ORM1: variants seen among roughly 807,000 people sequenced by gnomAD.
The protein encoded by ORM1 is orosomucoid 1, also known as alpha-1-acid glycoprotein 1.
ORM1 carries 13 observed loss-of-function variants against 26.9 expected under a neutral mutation model. The ratio of observed to expected loss-of-function variants is 0.48; its 90% CI spans 0.31 to 0.77. The LOEUF is 0.77. ORM1 is among the 30% of genes least tolerant of loss of function. The pLI is 0.04. For synonymous variants in ORM1, 76 were observed against 102.2 expected (o/e 0.74, Z 1.55); for missense variants, 189 against 246.8 (o/e 0.77, Z 1.57).
rs111906642 is a variant in ORM1, at chr9:114,324,860, C to A, written c.399C>A (p.Asp133Glu). The A allele has an allele frequency of 6.2e-7, 1 of 1,614,162 alleles. No homozygotes were observed. The highest frequency in any genetic ancestry group is 1.7e-5 in the Admixed American group (1 of 60,020). Residue 133 changes from aspartate to glutamate, a missense_variant, in exon 4 of 6, where the codon GAC becomes GAA. Coordinates refer to ENST00000259396, the MANE Select transcript of ORM1 (RefSeq NM_000607.4). ...CCAAGACCTACATGCTTGCTTTTGACGTGAACGATGAGAAGAACTGGGGGC... is the reference window on the plus strand; with the variant it reads ...CCAAGACCTACATGCTTGCTTTTGAAGTGAACGATGAGAAGAACTGGGGGC... The part of the protein sequence containing the change: ...RDTKTYMLAF[D>E]VNDEKNWGLS...
At chr9:114,326,033 G>C (rs190378866) in intron 5 of ORM1, among the ~76,000 whole-genome samples, 1 of 146,018 alleles carries the variant, frequency 6.8e-6, no homozygotes, top group Non-Finnish European at 1.5e-5. Context: ...ATAAGGGCTC[G>C]GCAGGTCCTA....
At chr9:114,324,680 C>A in intron 3 of ORM1, 110 bp from the exon 4 acceptor site, 1 of 903,570 alleles carries the variant, frequency 1.1e-6, no homozygotes, top group Non-Finnish European at 1.7e-6. Context: ...AGCCCTGGGC[C>A]TTCACTGATG....
intron 1 of ORM1, 128 bp downstream of exon 1, chr9:114,323,375 A>C (rs1225507314): frequency 6.4e-7 from 1 of 1,557,330 alleles, no homozygotes; most frequent in African/African-American, 1.4e-5. Context: ...CTGGGTCCCC[A>C]GGGTGAAATT....
At chr9:114,323,432 A>G (rs1418925693) in intron 1 of ORM1, 185 bp downstream of exon 1, 2 of 825,522 alleles carry the variant, frequency 2.4e-6, no homozygotes, top group Non-Finnish European at 4.1e-6. Flanking sequence ...CTCCAAACAC[A>G]GAAGCCTCAC....
chr9:114,324,662 C>T (rs536388732), intron 3 of ORM1, 128 bp from the exon 4 acceptor site: 3 of 789,784 alleles, frequency 3.8e-6, no homozygotes, highest in Non-Finnish European at 6.1e-6. Context: ...CACACGGTGG[C>T]CCAAAGGAGC....
intron 5 of ORM1, among the ~76,000 whole-genome samples, chr9:114,326,009 TC>T (rs1312839642): frequency 6.6e-6 from 1 of 150,890 alleles, no homozygotes; most frequent in Non-Finnish European, 1.5e-5. Context: ...TGTGAGGAAT[TC>T]AGGAGCTGCA....
Position 114,325,272 on chromosome 9 carries a change from T to C in ORM1, c.540+120T>C, listed in dbSNP as rs566857192. 5.9e-6 allele frequency: 5 copies of C among 850,654 alleles called. No individual in the cohort carries two copies. The East Asian group carries it at 1.3e-4, about 21-fold the overall frequency. 52.7% of individuals were successfully genotyped at this position (850,654 alleles called of 1,614,324 possible). ...CACAGCTAGGCAGATCTTCTGCTTT[T>C]AGGCACCTGCCTCACTGTAGGGACA... On this transcript the variant is annotated intron_variant, in intron 5 of 5. Coordinates refer to ENST00000259396, the MANE Select transcript of ORM1 (RefSeq NM_000607.4).
chr9:114,323,902 G>A lies in ORM1; in HGVS notation c.257+97G>A. The A allele has an allele frequency of 3.1e-6, 5 of 1,602,962 alleles. 1 individual carries two copies. In the South Asian group the frequency reaches 5.5e-5, roughly 18 times the overall value. Reference sequence around the variant, plus strand: ...TCCTGGCCTTGGCCTTCCCATGGGTGGAACCGGGAGGGCTGGCTTTAATCT... The same window carrying A: ...TCCTGGCCTTGGCCTTCCCATGGGTAGAACCGGGAGGGCTGGCTTTAATCT... On this transcript the variant is annotated intron_variant, in intron 2 of 5. Transcript: ENST00000259396.
intron 2 of ORM1, 65 bp from the exon 3 acceptor site, chr9:114,323,953 T>C (rs1022005069): frequency 1.2e-5 from 20 of 1,602,058 alleles, no homozygotes; most frequent in Non-Finnish European, 1.5e-5. Context: ...CCCAGGACTG[T>C]GATGGGCGAT....
chr9:114,324,942 C>A (rs773523396), intron 4 of ORM1, 45 bp downstream of exon 4: 3 of 1,594,832 alleles, frequency 1.9e-6, no homozygotes, highest in South Asian at 2.2e-5. Context: ...TCTCAGGCCT[C>A]ACCCCCCATT....
chr9:114,325,112 G>C lies in ORM1; in HGVS notation c.500G>C (p.Arg167Pro), dbSNP rs139631990. The change falls in exon 5 of 6, where the codon CGC becomes CCC. Residue 167 changes from arginine (R) to proline (P), a missense_variant. This residue lies in a region of ORM1 where 163 missense variants were observed against 157.7 expected (regional missense o/e 1.03). Transcript: ENST00000259396. ...TTCTACGAAGCTCTCGACTGCTTGCGCATTCCCAAGTCAGATGTCGTGTAC... is the reference window on the plus strand; with the variant it reads ...TTCTACGAAGCTCTCGACTGCTTGCCCATTCCCAAGTCAGATGTCGTGTAC... ...GEFYEALDCL[R>P]IPKSDVVYTD... The C allele has an allele frequency of 3.1e-6, 5 of 1,614,006 alleles. No individual in the cohort carries two copies. The highest frequency in any genetic ancestry group is 4.2e-6 in the Non-Finnish European group (5 of 1,179,872).
Position 114,323,913 on chromosome 9 carries a change from G to T in ORM1, c.258-105G>T. On this transcript the variant is annotated intron_variant, in intron 2 of 5. Transcript: ENST00000259396. ...GCCTTCCCATGGGTGGAACCGGGAG[G>T]GCTGGCTTTAATCTCCACCAGACTC... 3 of 1,604,420 alleles carry T rather than the reference G, an allele frequency of 1.9e-6. No individual in the cohort carries two copies. In the South Asian group the frequency reaches 3.3e-5, roughly 18 times the overall value.
chr9:114,324,336 G>A (rs946614123), intron 3 of ORM1, among the ~76,000 whole-genome samples: 33 of 152,174 alleles, frequency 2.2e-4, no homozygotes, highest in Non-Finnish European at 3.4e-4. Flanking sequence ...AACTAGAATT[G>A]GAACTCCAGG....
rs1275450491 is a variant in ORM1, at chr9:114,324,816, T to C, written c.355T>C (p.Leu119=). The change falls in exon 4 of 6, where the codon TTG becomes CTG. Residue 119 remains leucine (L), a synonymous_variant. Coordinates refer to ENST00000259396, the MANE Select transcript of ORM1 (RefSeq NM_000607.4). Reference sequence around the variant, plus strand: ...GGGAGGCCAAGAGCATTTCGCTCACTTGCTGATCCTCAGGGACACCAAGAC... The same window carrying C: ...GGGAGGCCAAGAGCATTTCGCTCACCTGCTGATCCTCAGGGACACCAAGAC... The part of the protein sequence containing the change: ...YVGGQEHFAH[L]LILRDTKTYM... 2 of 1,614,156 alleles carry C rather than the reference T, an allele frequency of 1.2e-6. No homozygotes were observed. Among genetic ancestry groups the C allele is most frequent in the Non-Finnish European group, 1.7e-6 (2 of 1,179,972 alleles).
Position 114,324,561 on chromosome 9 carries a change from A to C in ORM1, c.329-229A>C, listed in dbSNP as rs10982153. 4.4e-3 allele frequency among the ~76,000 whole-genome samples: 676 copies of C among 152,174 alleles called. 1 individual carries two copies. The East Asian group carries it at 0.061, about 14-fold the overall frequency. ...TTTTCCTCATCTGTAAAACGGAGAA[A>C]GGCCCTGACAGCCACGGTCTGTGTG... is the stretch of plus-strand genomic sequence containing the variant. On this transcript the variant is annotated intron_variant, in intron 3 of 5. Transcript: ENST00000259396.
Position 114,323,825 on chromosome 9 carries a change from T to A in ORM1, c.257+20T>A. The A allele has an allele frequency of 6.2e-7, 1 of 1,613,812 alleles. No homozygotes were observed. Among genetic ancestry groups the A allele is most frequent in the South Asian group, 1.1e-5 (1 of 91,044 alleles). Reference sequence around the variant, plus strand: ...GACCCGGTGAGAGCCCCCATTCCAATGCACCCCCATCTCAGCTTCTGGCCA... The same window carrying A: ...GACCCGGTGAGAGCCCCCATTCCAAAGCACCCCCATCTCAGCTTCTGGCCA... On this transcript the variant is annotated intron_variant, in intron 2 of 5. Coordinates refer to ENST00000259396, the MANE Select transcript of ORM1 (RefSeq NM_000607.4).
In ORM1 at chr9:114,323,917, G is replaced by A. The variant is rs1402879400; in HGVS notation, c.258-101G>A. 3.5e-5 allele frequency: 56 copies of A among 1,601,734 alleles called. 1 individual carries two copies. The highest frequency in any genetic ancestry group is 1.2e-4 in the South Asian group (11 of 90,722). ...TCCCATGGGTGGAACCGGGAGGGCTGGCTTTAATCTCCACCAGACTCTTGC... is the reference window on the plus strand; with the variant it reads ...TCCCATGGGTGGAACCGGGAGGGCTAGCTTTAATCTCCACCAGACTCTTGC... On this transcript the variant is annotated intron_variant, in intron 2 of 5. Coordinates refer to ENST00000259396, the MANE Select transcript of ORM1 (RefSeq NM_000607.4).
Position 114,324,776 on chromosome 9 carries a change from CT to C in ORM1, c.329-10del. On this transcript the variant is annotated splice_polypyrimidine_tract_variant and intron_variant, in intron 3 of 5. Transcript: ENST00000259396. Reference sequence around the variant, plus strand: ...ATCCCATGTTCTCACCCAGAGGCTCCTTTTCTCTTCCAGTGGGAGGCCAAGA... The same window carrying C: ...ATCCCATGTTCTCACCCAGAGGCTCCTTTCTCTTCCAGTGGGAGGCCAAGA... The C allele has an allele frequency of 6.2e-7, 1 of 1,607,114 alleles. No individual in the cohort carries two copies. Among genetic ancestry groups the C allele is most frequent in the Non-Finnish European group, 8.5e-7 (1 of 1,173,832 alleles).
At chr9:114,324,756 ATGTTCT>A in intron 3 of ORM1, 28 bp from the exon 4 acceptor site, 2 of 1,541,332 alleles carry the variant, frequency 1.3e-6, no homozygotes, top group Non-Finnish European at 1.8e-6. Flanking sequence ...GTGCCATCCC[ATGTTCT>A]CACCCAGAGG....
Sources: gnomAD v4.1 joint callset for allele counts (sites outside exome capture counted in the v4.1 genomes callset) on GRCh38, gnomAD v4.1.1 for gene constraint, gnomAD v4.1.1 regional missense constraint, MANE v1.5 for transcripts, NCBI Gene and HGNC (gene_info 2026-07-23, HGNC 2026-07-21) for gene names.